Variants in C2orf76 observed in about 807,000 individuals in gnomAD.
C2orf76 encodes the protein chromosome 2 open reading frame 76.
Under a neutral mutation model 16.9 loss-of-function variants are expected in C2orf76, and 23 were observed. That is an observed-to-expected ratio of 1.36 (90% CI 0.98 to 1.93). C2orf76 has a LOEUF of 1.93. C2orf76 is among the 30% of genes most tolerant of loss of function. The pLI, the probability that C2orf76 is intolerant of heterozygous loss-of-function variation, is 0.00. For synonymous variants in C2orf76, 48 were observed against 52.3 expected, an observed-to-expected ratio of 0.92 and a Z score of 0.35; for missense variants, 152 against 152.6, an observed-to-expected ratio of 1.00 and a Z score of 0.02.
At chr2:119,282,666 C>T in the C2orf76 span, among the ~76,000 whole-genome samples, 4,817 of 152,316 alleles carry the variant, frequency 0.032, 92 homozygotes, top group South Asian at 0.082. Context: ...TGCATCCTCC[C>T]TCCTAAGAGG....
intron 2 of C2orf76, among the ~76,000 whole-genome samples, chr2:119,335,118 T>C (rs1558788198): frequency 6.6e-6 from 1 of 152,228 alleles, no homozygotes; most frequent in Admixed American, 6.5e-5. Flanking sequence ...TCACGTTTAA[T>C]GTATTTGTAT....
At chr2:119,284,778 C>A in the C2orf76 span, among the ~76,000 whole-genome samples, 1 of 151,008 alleles carries the variant, frequency 6.6e-6, no homozygotes, top group East Asian at 1.9e-4. Flanking sequence ...GTAAATATTT[C>A]ATGGGTATTT....
chr2:119,340,538 C>T (rs1046848370), intron 1 of C2orf76, among the ~76,000 whole-genome samples: 2 of 152,028 alleles, frequency 1.3e-5, no homozygotes, highest in African/African-American at 4.8e-5. Flanking sequence ...GCACATGTAC[C>T]AGGTCTTAAT....
chr2:119,323,082 ATTAT>A (rs1235931083), intron 2 of C2orf76, among the ~76,000 whole-genome samples: 2 of 152,116 alleles, frequency 1.3e-5, no homozygotes, highest in Non-Finnish European at 2.9e-5. Flanking sequence ...CAGGGATGTG[ATTAT>A]ACTCACAGTA....
chr2:119,300,929 C>T (rs796542052), downstream of C2orf76, among the ~76,000 whole-genome samples: 16 of 152,290 alleles, frequency 1.1e-4, no homozygotes, highest in African/African-American at 1.4e-4. Flanking sequence ...CTAAAATTTG[C>T]GCTTTCTCCT....
downstream of C2orf76, among the ~76,000 whole-genome samples, chr2:119,301,339 AGCAAG>A (rs1573612413): frequency 6.6e-6 from 1 of 152,254 alleles, no homozygotes; most frequent in Admixed American, 6.5e-5. Context: ...TTTTCAACAA[AGCAAG>A]GCATCTTCTA....
intron 1 of C2orf76, among the ~76,000 whole-genome samples, chr2:119,344,507 G>A (rs1680137628): frequency 6.6e-6 from 1 of 152,140 alleles, no homozygotes; most frequent in Non-Finnish European, 1.5e-5. Context: ...AAGGTTCAAA[G>A]TAGTAAAGAA....
intron 1 of C2orf76, among the ~76,000 whole-genome samples, chr2:119,361,844 T>A (rs1680756199): frequency 6.6e-6 from 1 of 152,072 alleles, no homozygotes; most frequent in African/African-American, 2.4e-5. Context: ...AAAATAGTGT[T>A]TTTTTGAACA....
At chr2:119,363,252 G>T (rs531332501) in intron 1 of C2orf76, among the ~76,000 whole-genome samples, 1 of 152,060 alleles carries the variant, frequency 6.6e-6, no homozygotes, top group African/African-American at 2.4e-5. Flanking sequence ...GTGAAACCCC[G>T]TCTCTACCCA....
At chr2:119,282,230 T>A in the C2orf76 span, among the ~76,000 whole-genome samples, 1 of 151,914 alleles carries the variant, frequency 6.6e-6, no homozygotes, top group Non-Finnish European at 1.5e-5. Flanking sequence ...AACCAGGCAA[T>A]CCTATGTGGA....
intron 1 of C2orf76, among the ~76,000 whole-genome samples, chr2:119,351,409 A>C (rs1451426210): frequency 6.6e-6 from 1 of 152,178 alleles, no homozygotes; most frequent in Non-Finnish European, 1.5e-5. Flanking sequence ...ACATGGCAAT[A>C]AATAGTCCAC....
the C2orf76 span, among the ~76,000 whole-genome samples, chr2:119,289,755 A>G: frequency 2.7e-5 from 4 of 150,790 alleles, no homozygotes; most frequent in South Asian, 8.5e-4. Context: ...AAGGGGGTCC[A>G]CAGAGCTATA....
Position 119,339,892 on chromosome 2 carries a change from G to C in C2orf76, c.68C>G (p.Pro23Arg). Residue 23 changes from proline to arginine, a missense_variant, in exon 2 of 6, where the codon CCT (proline) becomes CGT (arginine). Transcript: ENST00000334816. ...IRSFEHRNFK[P>R]VVYHGVNLDQ... ...CAAATTCACTCCGTGATACACTACA[G>C]GTTTGAAATTGCGATGTTCAAAGGA... 6.2e-7 allele frequency: 1 copy of C among 1,613,246 alleles called. No homozygotes were observed. Among genetic ancestry groups the C allele is most frequent in the Non-Finnish European group, 8.5e-7 (1 of 1,179,186 alleles).
chr2:119,288,151 T>G, the C2orf76 span, among the ~76,000 whole-genome samples: 6,772 of 133,718 alleles, frequency 0.051, 253 homozygotes, highest in East Asian at 0.15. Context: ...CTGTAAATTA[T>G]ACTTCAATTT....
At chr2:119,312,465 G>A (rs866807064) in intron 4 of C2orf76, among the ~76,000 whole-genome samples, 8 of 151,872 alleles carry the variant, frequency 5.3e-5, no homozygotes, top group Non-Finnish European at 1.0e-4. Context: ...GCCCAGGCTC[G>A]TCTCAAACTC....
the C2orf76 span, among the ~76,000 whole-genome samples, chr2:119,286,284 T>C: frequency 4.8e-5 from 7 of 147,092 alleles, no homozygotes; most frequent in African/African-American, 1.8e-4. Flanking sequence ...TCCAGAGGAC[T>C]GGCCAGCACA....
chr2:119,306,762 G>A (rs533487366), intron 5 of C2orf76, among the ~76,000 whole-genome samples: 5 of 120,932 alleles, frequency 4.1e-5, no homozygotes, highest in African/African-American at 1.3e-4. Context: ...TTTGAAGTAC[G>A]TATTTTCGTA....
chr2:119,311,519 G>C (rs1678986877), intron 5 of C2orf76, 103 bp downstream of exon 5: 3 of 1,486,972 alleles, frequency 2.0e-6, no homozygotes, highest in Middle Eastern at 2.3e-4. Context: ...GGGGGACCAA[G>C]GACAGCATTT....
intron 2 of C2orf76, among the ~76,000 whole-genome samples, chr2:119,336,627 C>T (rs1360604177): frequency 6.6e-6 from 1 of 151,582 alleles, no homozygotes; most frequent in Non-Finnish European, 1.5e-5. Flanking sequence ...CAAAACATGA[C>T]TACGAAAGAA....
Sources: allele counts gnomAD v4.1 joint callset (sites outside exome capture counted in the v4.1 genomes callset), GRCh38; gene constraint gnomAD v4.1.1; transcripts MANE v1.5; gene names NCBI Gene and HGNC (gene_info 2026-07-23, HGNC 2026-07-21).